Variants in CNBD1 observed in about 807,000 individuals in gnomAD.
CNBD1 encodes the protein cyclic nucleotide binding domain containing 1, also known as cyclic nucleotide-binding domain-containing protein 1.
CNBD1 carries 71 observed loss-of-function variants against 54.4 expected under a neutral mutation model. That is an observed-to-expected ratio of 1.30 (90% CI 1.08 to 1.59). The LOEUF is 1.59. Among genes scored for constraint, CNBD1 ranks in the 40% most tolerant of loss-of-function variants. CNBD1 has a pLI of 0.00. For missense variants in CNBD1, 659 were observed against 518.0 expected, an observed-to-expected ratio of 1.27 and a Z score of -2.64; for synonymous variants, 182 against 170.7, an observed-to-expected ratio of 1.07 and a Z score of -0.51.
chr8:87,342,972 C>T (rs1474697903), intron 8 of CNBD1, among the ~76,000 whole-genome samples: 1 of 152,106 alleles, frequency 6.6e-6, no homozygotes, highest in Non-Finnish European at 1.5e-5. Flanking sequence ...TGCAGGAGAC[C>T]AGGGCATATT....
intron 8 of CNBD1, among the ~76,000 whole-genome samples, chr8:87,331,804 T>C (rs1809838313): frequency 6.6e-6 from 1 of 152,240 alleles, no homozygotes; most frequent in South Asian, 2.1e-4. Context: ...TGCATTTCTC[T>C]AATGATTAGT....
At chr8:86,948,405 TC>T (rs1382588996) in intron 4 of CNBD1, among the ~76,000 whole-genome samples, 2 of 152,128 alleles carry the variant, frequency 1.3e-5, no homozygotes, top group Non-Finnish European at 2.9e-5. Flanking sequence ...TTTCTCCGCA[TC>T]CTCACCAGCA....
intron 4 of CNBD1, among the ~76,000 whole-genome samples, chr8:87,066,346 C>A (rs890842166): frequency 1.1e-4 from 16 of 151,812 alleles, no homozygotes. Flanking sequence ...GTTACACTAC[C>A]CCAGTCTCCA....
chr8:87,174,221 G>A (rs2130771372), intron 4 of CNBD1, among the ~76,000 whole-genome samples: 1 of 152,184 alleles, frequency 6.6e-6, no homozygotes, highest in East Asian at 1.9e-4. Flanking sequence ...GCCTCCCAAA[G>A]TGTCAGGATT....
chr8:87,375,520 A>G (rs900598363), intron 10 of CNBD1, among the ~76,000 whole-genome samples: 1 of 151,780 alleles, frequency 6.6e-6, no homozygotes, highest in Non-Finnish European at 1.5e-5. Flanking sequence ...TCTTTTCCGA[A>G]GCCATAGCAT....
chr8:86,977,526 A>T (rs1414587793), intron 4 of CNBD1, among the ~76,000 whole-genome samples: 1 of 152,142 alleles, frequency 6.6e-6, no homozygotes. Context: ...AAGTAAAATC[A>T]GAAATCAAAG....
chr8:86,935,352 A>T (rs1487274135), intron 3 of CNBD1, among the ~76,000 whole-genome samples: 1 of 151,998 alleles, frequency 6.6e-6, no homozygotes, highest in East Asian at 1.9e-4. Flanking sequence ...ATTTATTAAG[A>T]GTTTGTTAGA....
intron 4 of CNBD1, among the ~76,000 whole-genome samples, chr8:86,970,429 T>C (rs13270857): frequency 0.027 from 4,149 of 152,302 alleles, 82 homozygotes; most frequent in South Asian, 0.042. Context: ...ACTTATCTGG[T>C]GTGTTAATCT....
At chr8:87,412,274 T>A (rs1248448692) in intron 2 of CNBD1, among the ~76,000 whole-genome samples, 1 of 152,118 alleles carries the variant, frequency 6.6e-6, no homozygotes, top group Admixed American at 6.6e-5. Flanking sequence ...TGGTATGTGT[T>A]TTCCTTCTAA....
At chr8:87,369,332 T>C (rs546859723) in intron 10 of CNBD1, among the ~76,000 whole-genome samples, 1 of 152,104 alleles carries the variant, frequency 6.6e-6, no homozygotes, top group Non-Finnish European at 1.5e-5. Context: ...TATGTTCTTT[T>C]TTGTGATTGA....
chr8:87,288,134 A>G (rs1453158593), intron 8 of CNBD1, among the ~76,000 whole-genome samples: 1 of 152,104 alleles, frequency 6.6e-6, no homozygotes, highest in Non-Finnish European at 1.5e-5. Flanking sequence ...GGTCCCAGTG[A>G]TTCAAGTACC....
chr8:87,217,386 A>T (rs1586336430), intron 5 of CNBD1, among the ~76,000 whole-genome samples: 1 of 152,184 alleles, frequency 6.6e-6, no homozygotes, highest in East Asian at 1.9e-4. Flanking sequence ...TTGGAGATTT[A>T]GTAAAATTGA....
intron 4 of CNBD1, among the ~76,000 whole-genome samples, chr8:87,114,600 G>C (rs1215711422): frequency 6.6e-6 from 1 of 152,018 alleles, no homozygotes; most frequent in Non-Finnish European, 1.5e-5. Flanking sequence ...ACCGCCCAGT[G>C]TGGCCTCCCA....
At chr8:87,036,090 G>A (rs939083136) in intron 4 of CNBD1, among the ~76,000 whole-genome samples, 1 of 152,150 alleles carries the variant, frequency 6.6e-6, no homozygotes, top group Non-Finnish European at 1.5e-5. Context: ...GGGAGATAGA[G>A]ATTAGAGGAT....
chr8:87,250,612 A>G (rs1156746283), intron 6 of CNBD1, among the ~76,000 whole-genome samples: 1 of 152,240 alleles, frequency 6.6e-6, no homozygotes, highest in East Asian at 1.9e-4. Context: ...GAAATGTGGT[A>G]TATGTACATA....
rs79091944 is a variant in CNBD1, at chr8:87,182,893, C to A, written c.432-23100C>A. On this transcript the variant is annotated intron_variant, in intron 4 of 10. Transcript: ENST00000518476. This position sits in a 1 kb window ranked among gnomAD's most constrained non-coding sequence, Gnocchi z 4.1. ...CTTTCTTTCTTTGTCCTGTGCAGAACCTCTTTGGTTTAATTAGGTTACACT... is the reference window on the plus strand; with the variant it reads ...CTTTCTTTCTTTGTCCTGTGCAGAAACTCTTTGGTTTAATTAGGTTACACT... 0.023 allele frequency among the ~76,000 whole-genome samples: 3,487 copies of A among 152,112 alleles called. 58 individuals are homozygous for A. The highest frequency in any genetic ancestry group is 0.034 in the Non-Finnish European group (2,315 of 67,972).
In CNBD1 at chr8:87,389,891, T is replaced by A. The variant is rs961834506; in HGVS notation, c.213+36105T>A. ...ACCAAAACAGCATGGTACTGGTACC[T>A]AAACAGAGATATAGACCAATGGAAC... On this transcript the variant is annotated intron_variant, in intron 2 of 7. Coordinates refer to the CNBD1 transcript ENST00000521593. Among the ~76,000 whole-genome samples the A allele has an allele frequency of 1.6e-3, 244 of 152,094 alleles. 1 individual carries two copies. The highest frequency in any genetic ancestry group is 5.7e-3 in the African/African-American group (235 of 41,470).
intron 4 of CNBD1, among the ~76,000 whole-genome samples, chr8:87,184,732 C>G (rs1048106818): frequency 1.3e-5 from 2 of 152,064 alleles, no homozygotes; most frequent in Non-Finnish European, 2.9e-5. Context: ...GGGTCTACAT[C>G]CTCCCTATAT....
At chr8:87,089,240 G>C (rs1177278662) in intron 4 of CNBD1, among the ~76,000 whole-genome samples, 4 of 152,074 alleles carry the variant, frequency 2.6e-5, no homozygotes, top group Non-Finnish European at 4.4e-5. Context: ...ACATGATTCT[G>C]TAGCTAATGC....
Sources: gnomAD v4.1 joint callset for allele counts (sites outside exome capture counted in the v4.1 genomes callset) on GRCh38, gnomAD v4.1.1 for gene constraint, Gnocchi (gnomAD v3.1) non-coding constraint, MANE v1.5 for transcripts, NCBI Gene and HGNC (gene_info 2026-07-23, HGNC 2026-07-21) for gene names.